The following SIN3A variants were observed in gnomAD, a reference collection of about 807,000 sequenced individuals.
SIN3A encodes SIN3 transcription regulator family member A.
A neutral mutation model predicts 146.1 loss-of-function variants in SIN3A; 14 were observed. The ratio of observed to expected loss-of-function variants is 0.10; its 90% CI spans 0.06 to 0.15. The LOEUF (loss-of-function observed/expected upper bound fraction) is 0.15, where lower values mean the gene tolerates loss of function less well. Among genes scored for constraint, SIN3A ranks in the 10% least tolerant of loss-of-function variants. The pLI is 1.00. For synonymous variants in SIN3A, 572 were observed against 572.0 expected, an observed-to-expected ratio of 1.00 and a Z score of 0.00; for missense variants, 1,028 against 1,576.0, an observed-to-expected ratio of 0.65 and a Z score of 5.89.
intron 9 of SIN3A, among the ~76,000 whole-genome samples, chr15:75,406,769 C>T (rs1189980842): frequency 6.6e-6 from 1 of 152,172 alleles, no homozygotes; most frequent in Non-Finnish European, 1.5e-5. Context: ...ACCTGGATAT[C>T]TACAATGGGA....
intron 12 of SIN3A, among the ~76,000 whole-genome samples, chr15:75,398,725 T>G (rs1206581112): frequency 6.7e-6 from 1 of 148,834 alleles, no homozygotes; most frequent in African/African-American, 2.5e-5. Flanking sequence ...AAGGAGCCAA[T>G]CAGGCCAGGT....
chr15:75,420,353 T>C (rs891181081), intron 3 of SIN3A: 3 of 152,088 alleles, frequency 2.0e-5, no homozygotes, highest in African/African-American at 7.2e-5. Flanking sequence ...CTTGAAATAA[T>C]GTGTAAGCAT....
intron 16 of SIN3A, among the ~76,000 whole-genome samples, chr15:75,387,263 G>A (rs1595891591): frequency 6.6e-6 from 1 of 152,110 alleles, no homozygotes; most frequent in South Asian, 2.1e-4. Flanking sequence ...AGTGGCTCAT[G>A]CCCGTAATCG....
intron 8 of SIN3A, among the ~76,000 whole-genome samples, chr15:75,407,511 G>T (rs926743909): frequency 7.9e-5 from 12 of 152,036 alleles, no homozygotes; most frequent in African/African-American, 2.9e-4. Context: ...ACCAGCTGAG[G>T]GAGAAAAGGC....
intron 18 of SIN3A, 79 bp downstream of exon 18, chr15:75,381,534 C>T: frequency 3.6e-6 from 4 of 1,101,538 alleles, no homozygotes; most frequent in Admixed American, 2.0e-5. Context: ...GGCCTTTTGG[C>T]AGACAGGGTC....
chr15:75,380,480 G>A (rs2072943725), intron 19 of SIN3A, 149 bp downstream of exon 19: 2 of 615,888 alleles, frequency 3.2e-6, no homozygotes, highest in Admixed American at 4.8e-5. Flanking sequence ...CTCATGTTGT[G>A]ACAGCCATAT....
intron 12 of SIN3A, among the ~76,000 whole-genome samples, chr15:75,397,475 CT>C (rs2073326694): frequency 6.6e-6 from 1 of 152,142 alleles, no homozygotes; most frequent in Admixed American, 6.5e-5. Flanking sequence ...CTCTCTTTTC[CT>C]CCTAGTGACT....
chr15:75,406,416 G>A (rs901243575), intron 9 of SIN3A, among the ~76,000 whole-genome samples: 18 of 152,262 alleles, frequency 1.2e-4, no homozygotes, highest in Non-Finnish European at 2.1e-4. Context: ...GGCCAGGCGC[G>A]GTGGCTCACG....
intron 12 of SIN3A, among the ~76,000 whole-genome samples, chr15:75,396,713 A>G (rs1161982575): frequency 3.3e-5 from 5 of 152,308 alleles, no homozygotes; most frequent in South Asian, 2.1e-4. Flanking sequence ...CAATCCACAT[A>G]AAGTATTTAG....
At chr15:75,409,705 C>T (rs886447704) in intron 8 of SIN3A, 131 bp downstream of exon 8, 7 of 973,546 alleles carry the variant, frequency 7.2e-6, no homozygotes, top group Admixed American at 4.9e-5. Context: ...CCAGCTTGGG[C>T]GACAGAGCGA....
rs1433594861 is a variant in SIN3A at position 75,371,557 on chromosome 15, A to G, written c.*422T>C. 1.2e-5 allele frequency: 2 copies of G among 165,046 alleles called. No individual in the cohort carries two copies. Among genetic ancestry groups the G allele is most frequent in the Non-Finnish European group, 2.6e-5 (2 of 76,752 alleles). The allele number at this position is 165,046 out of a possible 1,614,324, so 10.2% of individuals were successfully genotyped here. The stretch of plus-strand genomic sequence containing the variant: ...GCAGTGACCATGATAGTTCCAATCC[A>G]TCTGAGTATTAAGTCCTTCTCCAGT... On this transcript the variant is annotated 3_prime_UTR_variant, in exon 21 of 21. Coordinates refer to ENST00000394947, the MANE Select transcript of SIN3A (RefSeq NM_001145358.2).
At chr15:75,401,471 T>C (rs559023270) in intron 10 of SIN3A, among the ~76,000 whole-genome samples, 4 of 151,836 alleles carry the variant, frequency 2.6e-5, no homozygotes, top group Admixed American at 1.3e-4. Flanking sequence ...GAGGCGGAGG[T>C]TGCAGTGAGC....
intron 15 of SIN3A, among the ~76,000 whole-genome samples, chr15:75,390,162 A>T (rs780029213): frequency 7.2e-5 from 11 of 152,162 alleles, no homozygotes; most frequent in Non-Finnish European, 1.5e-4. Flanking sequence ...CCCTGCTGAG[A>T]GAGGAACCTA....
chr15:75,425,085 TAA>T (rs550791603), intron 2 of SIN3A, among the ~76,000 whole-genome samples: 165 of 152,360 alleles, frequency 1.1e-3, no homozygotes, highest in African/African-American at 3.7e-3. Context: ...AGCAGTATGA[TAA>T]AAAGATTTCA....
chr15:75,420,275 T>G (rs2073817257), intron 3 of SIN3A: 1 of 152,126 alleles, frequency 6.6e-6, no homozygotes, highest in Admixed American at 6.5e-5. Flanking sequence ...CCTCAAATCG[T>G]TCAAATCCCT....
At chr15:75,389,224 G>T (rs1004960501) in intron 16 of SIN3A, among the ~76,000 whole-genome samples, 3 of 151,976 alleles carry the variant, frequency 2.0e-5, no homozygotes, top group African/African-American at 7.3e-5. Context: ...GCTTTAAGAG[G>T]CCAAGACAGG....
intron 3 of SIN3A, chr15:75,415,427 C>A (rs894996535): frequency 5.7e-6 from 1 of 174,912 alleles, no homozygotes; most frequent in Non-Finnish European, 1.2e-5. Flanking sequence ...CATCCTTCCA[C>A]ATCACCACCA....
intron 8 of SIN3A, 80 bp from the exon 9 acceptor site, chr15:75,407,224 TC>T: frequency 1.1e-6 from 1 of 921,664 alleles, no homozygotes; most frequent in Middle Eastern, 2.2e-4. Flanking sequence ...TTCAATGGTT[TC>T]ATCACTGAAA....
intron 19 of SIN3A, among the ~76,000 whole-genome samples, chr15:75,376,880 A>ACC (rs1567309739): frequency 1.3e-4 from 19 of 149,202 alleles, no homozygotes; most frequent in African/African-American, 4.2e-4. Flanking sequence ...AAAAAAAAAA[A>ACC]AAACCAACCA....
Sources: gnomAD v4.1 joint callset for allele counts (sites outside exome capture counted in the v4.1 genomes callset) on GRCh38, gnomAD v4.1.1 for gene constraint, MANE v1.5 for transcripts, NCBI Gene and HGNC (gene_info 2026-07-23, HGNC 2026-07-21) for gene names.